HACE1: variants seen among roughly 807,000 people sequenced by gnomAD.
HACE1 encodes HECT domain and ankyrin repeat containing E3 ubiquitin protein ligase 1, also known as E3 ubiquitin-protein ligase HACE1.
Under a neutral mutation model 118.4 loss-of-function variants are expected in HACE1, and 73 were observed. The ratio of observed to expected loss-of-function variants is 0.62; its 90% CI spans 0.51 to 0.75. HACE1 has a LOEUF of 0.75. HACE1 is among the 30% of genes least tolerant of loss of function. The pLI, the probability that HACE1 is intolerant of heterozygous loss-of-function variation, is 0.00. For missense variants in HACE1, 749 were observed against 1,102.2 expected, an observed-to-expected ratio of 0.68 and a Z score of 4.54; for synonymous variants, 368 against 374.8, an observed-to-expected ratio of 0.98 and a Z score of 0.21.
chr6:104,736,600 C>G (rs1582573434), intron 22 of HACE1, among the ~76,000 whole-genome samples: 1 of 152,234 alleles, frequency 6.6e-6, no homozygotes, highest in East Asian at 1.9e-4. Flanking sequence ...CAAAACAAAT[C>G]TTTAATACCT....
intron 6 of HACE1, among the ~76,000 whole-genome samples, chr6:104,831,578 C>T (rs1025330294): frequency 1.3e-5 from 2 of 149,126 alleles, no homozygotes; most frequent in African/African-American, 5.0e-5. Flanking sequence ...GAGCGAGCCT[C>T]CGTCTCAAAA....
At chr6:104,771,802 C>T in intron 18 of HACE1, 123 bp downstream of exon 18, 1 of 665,292 alleles carries the variant, frequency 1.5e-6, no homozygotes, top group Non-Finnish European at 2.6e-6. Flanking sequence ...CTTACATATA[C>T]AGATGGGCTC....
rs574891082 is a variant in HACE1, at chr6:104,753,025, T to C, written c.2212-2553A>G. On this transcript the variant is annotated intron_variant, in intron 19 of 23. Transcript: ENST00000262903. ...GTTTTTCAAATACTTGAAAGAGCTG[T>C]GTTTAATGGAAAAATCTAAGTCGAA... Among the ~76,000 whole-genome samples, 212 of 152,320 alleles carry C rather than the reference T, an allele frequency of 1.4e-3. 4 individuals are homozygous for C. Among genetic ancestry groups the C allele is most frequent in the Middle Eastern group, 0.01 (3 of 294 alleles).
At chr6:104,829,035 G>A (rs1171650362) in intron 6 of HACE1, among the ~76,000 whole-genome samples, 1 of 151,868 alleles carries the variant, frequency 6.6e-6, no homozygotes, top group African/African-American at 2.4e-5. Flanking sequence ...TTTCTTAATG[G>A]AATTTTTTCC....
chr6:104,853,680 C>G (rs1776455141), intron 1 of HACE1, among the ~76,000 whole-genome samples: 1 of 152,114 alleles, frequency 6.6e-6, no homozygotes, highest in African/African-American at 2.4e-5. Context: ...AAGAACCCAG[C>G]AGACACTATC....
chr6:104,771,158 C>T, intron 19 of HACE1, 35 bp downstream of exon 19: 1 of 1,491,170 alleles, frequency 6.7e-7, no homozygotes, highest in Non-Finnish European at 9.4e-7. Context: ...GGCCAAGTTA[C>T]AAACAATGGT....
At chr6:104,810,586 T>C (rs1041089164) in intron 7 of HACE1, among the ~76,000 whole-genome samples, 8 of 152,110 alleles carry the variant, frequency 5.3e-5, no homozygotes, top group Admixed American at 6.5e-5. Context: ...TATTTTTACA[T>C]ATGTGTGTGG....
intron 2 of HACE1, among the ~76,000 whole-genome samples, chr6:104,851,204 C>T (rs1200987326): frequency 1.3e-5 from 2 of 152,200 alleles, no homozygotes; most frequent in East Asian, 3.8e-4. Context: ...CTGCCTCAGC[C>T]TCCCGAGTAG....
intron 17 of HACE1, 45 bp from the exon 18 acceptor site, chr6:104,772,119 G>T: frequency 1.8e-6 from 2 of 1,084,900 alleles, no homozygotes; most frequent in Non-Finnish European, 2.8e-6. Flanking sequence ...GAATCTATAT[G>T]CAGAAGAAAG....
intron 19 of HACE1, among the ~76,000 whole-genome samples, chr6:104,760,233 G>A (rs1340528184): frequency 1.3e-5 from 2 of 152,164 alleles, no homozygotes; most frequent in African/African-American, 4.8e-5. Flanking sequence ...AAGCCTGGCA[G>A]AGACACAACA....
intron 22 of HACE1, among the ~76,000 whole-genome samples, chr6:104,739,464 G>A (rs1005066785): frequency 6.6e-6 from 1 of 152,050 alleles, no homozygotes; most frequent in African/African-American, 2.4e-5. Context: ...ATAAAAGGAT[G>A]GAGGATGATC....
chr6:104,784,961 A>G, intron 12 of HACE1, 24 bp downstream of exon 12: 1 of 1,517,870 alleles, frequency 6.6e-7, no homozygotes, highest in Non-Finnish European at 9.1e-7. Context: ...AGAAAAAAAA[A>G]ATAATAAGCC....
At chr6:104,852,051 C>A (rs908863157) in intron 2 of HACE1, among the ~76,000 whole-genome samples, 1 of 152,170 alleles carries the variant, frequency 6.6e-6, no homozygotes, top group East Asian at 1.9e-4. Context: ...CAACCAAATA[C>A]TTAGTATTTC....
At chr6:104,767,762 C>A (rs576078130) in intron 19 of HACE1, among the ~76,000 whole-genome samples, 22 of 152,160 alleles carry the variant, frequency 1.4e-4, no homozygotes, top group Non-Finnish European at 3.2e-4. Context: ...TCTGTCACCT[C>A]TGTGCCTTCC....
intron 7 of HACE1, among the ~76,000 whole-genome samples, chr6:104,807,304 G>A (rs904517931): frequency 5.9e-5 from 9 of 152,260 alleles, no homozygotes; most frequent in Admixed American, 2.6e-4. Flanking sequence ...TTACAGGTGT[G>A]AGCCACTGTG....
intron 22 of HACE1, chr6:104,730,920 ATTTGT>A (rs1225213774): frequency 6.4e-6 from 1 of 156,254 alleles, no homozygotes; most frequent in East Asian, 1.9e-4. Context: ...GGCCCTAAAG[ATTTGT>A]TTTGTTTTTT....
At chr6:104,731,445 TCA>T (rs1236388856) in intron 22 of HACE1, 1 of 151,958 alleles carries the variant, frequency 6.6e-6, no homozygotes, top group Non-Finnish European at 1.5e-5. Context: ...GGTGGCAGAC[TCA>T]CATATCCTGA....
chr6:104,841,708 T>C (rs1775135115), intron 5 of HACE1, among the ~76,000 whole-genome samples: 1 of 152,198 alleles, frequency 6.6e-6, no homozygotes, highest in Non-Finnish European at 1.5e-5. Context: ...TTCAATATTA[T>C]TCTTTATTCA....
Position 104,776,765 on chromosome 6 carries a change from C to T in HACE1, c.1840G>A (p.Ala614Thr). The T allele has an allele frequency of 6.2e-7, 1 of 1,604,700 alleles. No individual in the cohort carries two copies. The highest frequency in any genetic ancestry group is 8.5e-7 in the Non-Finnish European group (1 of 1,171,446). The part of the protein sequence containing the change: ...LSNEIVNPDY[A>T]LFTQSADGTT... Reference sequence around the variant, plus strand: ...CCATCAGCTGACTGGGTAAACAATGCATAATCAGGATTGACTATCTCATTG... The same window carrying T: ...CCATCAGCTGACTGGGTAAACAATGTATAATCAGGATTGACTATCTCATTG... The change falls in exon 17 of 24, where the codon GCA becomes ACA. Residue 614 changes from alanine (A) to threonine (T), a missense_variant. Coordinates refer to ENST00000262903, the MANE Select transcript of HACE1 (RefSeq NM_020771.4).
Sources: allele counts gnomAD v4.1 joint callset (sites outside exome capture counted in the v4.1 genomes callset), GRCh38; gene constraint gnomAD v4.1.1; transcripts MANE v1.5; gene names NCBI Gene and HGNC (gene_info 2026-07-23, HGNC 2026-07-21).